THSD7B: variants seen among roughly 807,000 people sequenced by gnomAD.
The protein encoded by THSD7B is thrombospondin type-1 domain-containing protein 7B.
A neutral mutation model predicts 213.6 loss-of-function variants in THSD7B; 138 were observed. The ratio of observed to expected loss-of-function variants is 0.65; its 90% CI spans 0.56 to 0.74. THSD7B has a LOEUF of 0.74. THSD7B is among the 30% of genes least tolerant of loss of function. The probability of loss-of-function intolerance (pLI) is 0.00; values close to 1 mark genes in which losing one functional copy is unlikely to be tolerated. For synonymous variants in THSD7B, 742 were observed against 687.0 expected (o/e 1.08, Z -1.25); for missense variants, 1,931 against 1,991.5 (o/e 0.97, Z 0.58).
At chr2:136,932,116 C>G (rs1329266822) in intron 2 of THSD7B, among the ~76,000 whole-genome samples, 1 of 151,592 alleles carries the variant, frequency 6.6e-6, no homozygotes, top group Non-Finnish European at 1.5e-5. Context: ...TTTCCAAAGT[C>G]TTGTTTCTCA....
At chr2:137,283,228 A>C (rs916779241) in intron 12 of THSD7B, among the ~76,000 whole-genome samples, 3 of 152,140 alleles carry the variant, frequency 2.0e-5, no homozygotes, top group Non-Finnish European at 4.4e-5. Flanking sequence ...GGTGTATAAG[A>C]ATGCTTGTGA....
chr2:137,519,191 G>A (rs1443891347), intron 15 of THSD7B, among the ~76,000 whole-genome samples: 2 of 152,052 alleles, frequency 1.3e-5, no homozygotes, highest in African/African-American at 4.8e-5. Context: ...GGTGGAGGTT[G>A]CAGTGAGCTG....
intron 2 of THSD7B, among the ~76,000 whole-genome samples, chr2:137,027,969 A>G (rs1374900089): frequency 1.3e-5 from 2 of 152,208 alleles, no homozygotes; most frequent in Admixed American, 1.3e-4. Context: ...ATTGCTTATC[A>G]TAGTTCCCTG....
At chr2:136,974,391 T>G (rs1573743338) in intron 2 of THSD7B, among the ~76,000 whole-genome samples, 1 of 151,414 alleles carries the variant, frequency 6.6e-6, no homozygotes, top group East Asian at 1.9e-4. Flanking sequence ...GTTGTTCTCC[T>G]CCCTGTATCC....
intron 2 of THSD7B, among the ~76,000 whole-genome samples, chr2:137,009,418 T>C (rs960856679): frequency 2.6e-5 from 4 of 152,138 alleles, no homozygotes; most frequent in African/African-American, 9.7e-5. Context: ...GCATATCTGG[T>C]CTCTACCCAA....
chr2:137,039,948 T>A (rs1206756014), intron 2 of THSD7B, among the ~76,000 whole-genome samples: 1 of 152,018 alleles, frequency 6.6e-6, no homozygotes, highest in Non-Finnish European at 1.5e-5. Flanking sequence ...AGTCAGAGGG[T>A]GTTGGTTTTC....
At chr2:137,459,945 A>G (rs1350472920) in intron 15 of THSD7B, among the ~76,000 whole-genome samples, 1 of 152,140 alleles carries the variant, frequency 6.6e-6, no homozygotes, top group Non-Finnish European at 1.5e-5. Flanking sequence ...TGTGAATACT[A>G]CCAGGGTTAA....
Position 137,657,008 on chromosome 2 carries a change from T to C in THSD7B, c.4279+39T>C, listed in dbSNP as rs756891816. 9 of 1,613,432 alleles carry C rather than the reference T, an allele frequency of 5.6e-6. No homozygotes were observed. The Admixed American group carries it at 1.2e-4, about 21-fold the overall frequency. ...TTTTCAGTTCTTTAGCCTTCATTGA[T>C]CAATGCTTATTCTAAGTGAGGTGTA... On this transcript the variant is annotated intron_variant, in intron 23 of 27. Coordinates refer to ENST00000409968, the MANE Select transcript of THSD7B (RefSeq NM_001316349.2).
intron 2 of THSD7B, among the ~76,000 whole-genome samples, chr2:137,000,041 C>T (rs1685972653): frequency 6.6e-6 from 1 of 152,054 alleles, no homozygotes; most frequent in African/African-American, 2.4e-5. Flanking sequence ...TCATAAATTC[C>T]AACAGGAATG....
Position 137,115,086 on chromosome 2 carries a change from A to ACTT in THSD7B, c.1200-25_1200-23dup, listed in dbSNP as rs777359141. On this transcript the variant is annotated intron_variant, in intron 4 of 27. Transcript: ENST00000409968. Reference sequence around the variant, plus strand: ...TTCCTCAGAGTTGTATATTTTTCTTACTTCTTCTTCTTCTTTTAAATAAAC... The same window carrying ACTT: ...TTCCTCAGAGTTGTATATTTTTCTTACTTCTTCTTCTTCTTCTTTTAAATAAAC... 5 of 1,602,710 alleles carry ACTT rather than the reference A, an allele frequency of 3.1e-6. No homozygotes were observed. In the South Asian group the frequency reaches 4.4e-5, roughly 14 times the overall value.
chr2:136,882,331 G>C lies in THSD7B; in HGVS notation c.139+14G>C. 1 of 1,512,954 alleles carries C rather than the reference G, an allele frequency of 6.6e-7. No homozygotes were observed. Among genetic ancestry groups the C allele is most frequent in the South Asian group, 1.3e-5 (1 of 77,462 alleles). The allele number at this position is 1,512,954 out of a possible 1,614,324, so 93.7% of individuals were successfully genotyped here. On this transcript the variant is annotated intron_variant, in intron 2 of 27. Transcript: ENST00000409968. ...TCTGGAAACCAGGTAGGAATGTCCT[G>C]GCTGTTCCTTTGTCCTATTTTCATT... is the stretch of plus-strand genomic sequence containing the variant.
intron 2 of THSD7B, among the ~76,000 whole-genome samples, chr2:136,960,569 A>T (rs1685199571): frequency 6.6e-6 from 1 of 152,062 alleles, no homozygotes; most frequent in Admixed American, 6.5e-5. Context: ...GCTTCACTTC[A>T]TTTTTTGATA....
chr2:137,503,171 T>C (rs1679749733), intron 15 of THSD7B, among the ~76,000 whole-genome samples: 2 of 152,200 alleles, frequency 1.3e-5, no homozygotes, highest in African/African-American at 2.4e-5. Context: ...TATTTTTTTT[T>C]CTTCTTAAAA....
intron 15 of THSD7B, among the ~76,000 whole-genome samples, chr2:137,452,990 G>A (rs1424985725): frequency 6.6e-6 from 1 of 152,098 alleles, no homozygotes; most frequent in Non-Finnish European, 1.5e-5. Context: ...TTGAGTTCCA[G>A]AAGGGAGTAG....
rs1685577240 is a variant in THSD7B, at chr2:137,373,417, GT to G, written c.2501-32195del. Among the ~76,000 whole-genome samples, 6 of 152,302 alleles carry G rather than the reference GT, an allele frequency of 3.9e-5. No homozygotes were observed. In the South Asian group the frequency reaches 1.2e-3, roughly 32 times the overall value. Reference sequence around the variant, plus strand: ...AACTGGTGTGAGATGGTATCTCATTGTGGTTTTGATTTGCATTTCTCTGATG... The same window carrying G: ...AACTGGTGTGAGATGGTATCTCATTGGGTTTTGATTTGCATTTCTCTGATG... On this transcript the variant is annotated intron_variant, in intron 12 of 27. Transcript: ENST00000409968.
intron 14 of THSD7B, among the ~76,000 whole-genome samples, chr2:137,442,723 T>C (rs1243706619): frequency 6.6e-6 from 1 of 152,104 alleles, no homozygotes; most frequent in Non-Finnish European, 1.5e-5. Flanking sequence ...CAAAGTGTGG[T>C]AAAGTGTTCA....
rs973013375 is a variant in THSD7B at position 137,231,309 on chromosome 2, G to C, written c.1915+74G>C. ...ATCATTTTTCCTCATTGGTGATAGA[G>C]AAGTTTATATGGAGGAAATAGTCAC... On this transcript the variant is annotated intron_variant, in intron 8 of 27. Coordinates refer to ENST00000409968, the MANE Select transcript of THSD7B (RefSeq NM_001316349.2). The C allele has an allele frequency of 1.2e-5, 17 of 1,413,318 alleles. No individual in the cohort carries two copies. In the African/African-American group the frequency reaches 1.7e-4, roughly 14 times the overall value. The allele number at this position is 1,413,318 out of a possible 1,614,324, so 87.5% of individuals were successfully genotyped here.
chr2:137,160,457 A>G, intron 6 of THSD7B, 89 bp downstream of exon 6: 1 of 1,484,848 alleles, frequency 6.7e-7, no homozygotes, highest in Non-Finnish European at 9.1e-7. Flanking sequence ...CCTGCTTAAG[A>G]CAATATTTGT....
intron 1 of THSD7B, among the ~76,000 whole-genome samples, chr2:136,769,035 G>A (rs894933651): frequency 1.3e-5 from 2 of 152,112 alleles, no homozygotes; most frequent in African/African-American, 4.8e-5. Context: ...AAAATCACAG[G>A]CACCTGTGCT....
Sources: allele counts gnomAD v4.1 joint callset (sites outside exome capture counted in the v4.1 genomes callset), GRCh38; gene constraint gnomAD v4.1.1; transcripts MANE v1.5; gene names NCBI Gene and HGNC (gene_info 2026-07-23, HGNC 2026-07-21).